Variants in MYH10 observed in about 807,000 individuals in gnomAD.
MYH10 encodes the protein myosin heavy chain 10.
A neutral mutation model predicts 257.8 loss-of-function variants in MYH10; 55 were observed. The ratio of observed to expected loss-of-function variants is 0.21; its 90% CI spans 0.17 to 0.27. MYH10 has a LOEUF of 0.27. Among genes scored for constraint, MYH10 ranks in the 10% least tolerant of loss-of-function variants. The pLI, the probability that MYH10 is intolerant of heterozygous loss-of-function variation, is 1.00. For missense variants in MYH10, 1,631 were observed against 2,500.6 expected (o/e 0.65, Z 7.42); for synonymous variants, 854 against 921.7 (o/e 0.93, Z 1.33).
chr17:8,553,845 CAA>C lies in MYH10; in HGVS notation c.820+108_820+109del, dbSNP rs544713123. 2.7e-3 allele frequency: 2,240 copies of C among 841,558 alleles called. 5 individuals are homozygous for C. Among genetic ancestry groups the C allele is most frequent in the Non-Finnish European group, 3.9e-3 (2,010 of 512,266 alleles). The allele number at this position is 841,558 out of a possible 1,614,324, so 52.1% of individuals were successfully genotyped here. A position where few individuals can be genotyped will look rare whatever the true frequency, so the allele number is the denominator to read the frequency against. ...GAACAAGGCATGCTATCTCTGGGCTCAAGTTTTATCATCTGGATTTTGGGAGT... is the reference window on the plus strand; with the variant it reads ...GAACAAGGCATGCTATCTCTGGGCTCGTTTTATCATCTGGATTTTGGGAGT... On this transcript the variant is annotated intron_variant, in intron 8 of 42. Transcript: ENST00000360416.
At position 8,512,416 on chromosome 17, in the gene MYH10, A is replaced by C. The variant is rs763051317; in HGVS notation, c.2952+35T>G. On this transcript the variant is annotated intron_variant, in intron 24 of 42. Coordinates refer to ENST00000360416, the MANE Select transcript of MYH10 (RefSeq NM_001256012.3). ...ATTCAACAGATCCACTTGAAAATCC[A>C]AAATATGCTTCTAAGTAAAAATTAT... The C allele has an allele frequency of 9.6e-6, 15 of 1,554,626 alleles. No individual in the cohort carries two copies. The South Asian group carries it at 1.8e-4, about 18-fold the overall frequency.
chr17:8,570,109 T>C (rs1352292364), intron 6 of MYH10, among the ~76,000 whole-genome samples: 3 of 152,270 alleles, frequency 2.0e-5, no homozygotes, highest in South Asian at 4.1e-4. Context: ...ATTTTGAAAA[T>C]AAAACAGACT....
rs554698220 is a variant in MYH10 at position 8,563,406 on chromosome 17, A to T, written c.756+6314T>A. Among the ~76,000 whole-genome samples, 26 of 152,352 alleles carry T rather than the reference A, an allele frequency of 1.7e-4. No homozygotes were observed. The South Asian group carries it at 5.4e-3, about 32-fold the overall frequency. On this transcript the variant is annotated intron_variant, in intron 7 of 42. Coordinates refer to ENST00000360416, the MANE Select transcript of MYH10 (RefSeq NM_001256012.3). The stretch of plus-strand genomic sequence containing the variant: ...ATATTAACTTCAAATAGAGCCTTAA[A>T]AAAAGATAAATACATAAATAAAAAC...
At chr17:8,578,623 T>C (rs1399344523) in intron 4 of MYH10, among the ~76,000 whole-genome samples, 2 of 152,180 alleles carry the variant, frequency 1.3e-5, no homozygotes, top group African/African-American at 4.8e-5. Context: ...TGCCACCATT[T>C]TAAATGATTC....
chr17:8,600,545 G>A (rs574506825), intron 3 of MYH10, among the ~76,000 whole-genome samples: 2 of 152,280 alleles, frequency 1.3e-5, no homozygotes, highest in African/African-American at 2.4e-5. Flanking sequence ...AGTGAGAGAC[G>A]GAGGAATTCA....
At chr17:8,539,411 G>A (rs1184813517) in intron 14 of MYH10, among the ~76,000 whole-genome samples, 3 of 151,970 alleles carry the variant, frequency 2.0e-5, no homozygotes, top group Non-Finnish European at 2.9e-5. Flanking sequence ...GCCTTTTTCC[G>A]AATTCACAGA....
intron 1 of MYH10, among the ~76,000 whole-genome samples, chr17:8,624,249 C>A (rs1279903374): frequency 6.6e-6 from 1 of 152,184 alleles, no homozygotes; most frequent in African/African-American, 2.4e-5. Flanking sequence ...CACTTTGTGG[C>A]TAAGCTATGT....
intron 7 of MYH10, chr17:8,554,262 T>C (rs2082721681): frequency 7.9e-6 from 2 of 254,612 alleles, no homozygotes; most frequent in Non-Finnish European, 1.5e-5. Flanking sequence ...TAAAAGAAAG[T>C]AGTGAGATCC....
intron 16 of MYH10, among the ~76,000 whole-genome samples, chr17:8,531,890 C>A (rs978724232): frequency 9.9e-5 from 15 of 152,182 alleles, no homozygotes; most frequent in African/African-American, 3.6e-4. Flanking sequence ...CCTTATCCTG[C>A]GATCTCTCTA....
At chr17:8,608,786 T>A (rs1392876849) in intron 2 of MYH10, among the ~76,000 whole-genome samples, 1 of 152,134 alleles carries the variant, frequency 6.6e-6, no homozygotes, top group African/African-American at 2.4e-5. Context: ...GGAATGCCCA[T>A]CTTCCTCTGT....
At chr17:8,602,507 A>T (rs1373519632) in intron 3 of MYH10, among the ~76,000 whole-genome samples, 1 of 152,220 alleles carries the variant, frequency 6.6e-6, no homozygotes, top group East Asian at 1.9e-4. Context: ...TGCATATGCT[A>T]ATGTCTGACT....
At position 8,490,148 on chromosome 17, in the gene MYH10, A is replaced by T. The variant is rs1406166950; in HGVS notation, c.4884+192T>A. The T allele has an allele frequency of 3.6e-6, 2 of 554,972 alleles. No homozygotes were observed. The highest frequency in any genetic ancestry group is 6.4e-6 in the Non-Finnish European group (2 of 314,838). 34.4% of individuals were successfully genotyped at this position (554,972 alleles called of 1,614,324 possible). On this transcript the variant is annotated intron_variant, in intron 35 of 42. Transcript: ENST00000360416. This position sits in a 1 kb window ranked among gnomAD's most constrained non-coding sequence, Gnocchi z 4.1. ...GTAGGCAGGAATGATACTGAGAAATAGTAAGACCTAAACTAATTACAATAA... is the reference window on the plus strand; with the variant it reads ...GTAGGCAGGAATGATACTGAGAAATTGTAAGACCTAAACTAATTACAATAA...
Position 8,517,330 on chromosome 17 carries a change from A to G in MYH10, c.2504+1301T>C, listed in dbSNP as rs1042028654. On this transcript the variant is annotated intron_variant, in intron 21 of 42. Transcript: ENST00000360416. ...TCCGTTTAAAGCCCTCTTGACCACT[A>G]TCTGGGCAAGCAGACTGCCCAGGAA... Among the ~76,000 whole-genome samples, 6 of 152,156 alleles carry G rather than the reference A, an allele frequency of 3.9e-5. No individual in the cohort carries two copies. In the East Asian group the frequency reaches 9.6e-4, roughly 24 times the overall value.
intron 7 of MYH10, among the ~76,000 whole-genome samples, chr17:8,562,593 T>A (rs1369519724): frequency 6.6e-6 from 1 of 152,184 alleles, no homozygotes; most frequent in Non-Finnish European, 1.5e-5. Flanking sequence ...ACTTAGAATA[T>A]TCAATCGGAA....
At chr17:8,513,402 A>T (rs1047363439) in intron 23 of MYH10, 136 bp downstream of exon 23, 12 of 1,327,074 alleles carry the variant, frequency 9.0e-6, no homozygotes, top group Non-Finnish European at 1.2e-5. Context: ...TTTGGAAATG[A>T]GTGAAAAGGC....
At position 8,569,515 on chromosome 17, in the gene MYH10, GAA is replaced by G. The variant is rs1229792223; in HGVS notation, c.756+203_756+204del. Among the ~76,000 whole-genome samples, 3 of 152,138 alleles carry G rather than the reference GAA, an allele frequency of 2.0e-5. No individual in the cohort carries two copies. The highest frequency in any genetic ancestry group is 7.2e-5 in the African/African-American group (3 of 41,428). ...ATACATTTCTGTATGATAAAATGAT[GAA>G]AGTTACTTACACATTACCTTTTTTC... On this transcript the variant is annotated intron_variant, in intron 7 of 42. Coordinates refer to ENST00000360416, the MANE Select transcript of MYH10 (RefSeq NM_001256012.3). This position sits in a 1 kb window ranked among gnomAD's most constrained non-coding sequence, Gnocchi z 4.1.
At chr17:8,570,252 T>G (rs1046463030) in intron 6 of MYH10, among the ~76,000 whole-genome samples, 1 of 152,214 alleles carries the variant, frequency 6.6e-6, no homozygotes, top group Non-Finnish European at 1.5e-5. Context: ...ATGTAGCACT[T>G]TCCAGTTTTC....
rs1342899805 is a variant in MYH10, at chr17:8,552,035, T to C, written c.919+11A>G. The stretch of plus-strand genomic sequence containing the variant: ...AGTGAATATAAAATAGTAAAAACCT[T>C]TGTAACTTACACTTTAGGTGTTCTC... On this transcript the variant is annotated intron_variant, in intron 9 of 42. Transcript: ENST00000360416. The surrounding 1 kb of genome is among the most constrained non-coding windows in gnomAD (Gnocchi z 4.8). The C allele has an allele frequency of 8.5e-6, 12 of 1,410,728 alleles. No individual in the cohort carries two copies. The highest frequency in any genetic ancestry group is 1.4e-5 in the African/African-American group (1 of 69,220). The allele number at this position is 1,410,728 out of a possible 1,614,324, so 87.4% of individuals were successfully genotyped here.
intron 1 of MYH10, among the ~76,000 whole-genome samples, chr17:8,628,787 A>C (rs1414396341): frequency 1.3e-5 from 2 of 152,298 alleles, no homozygotes; most frequent in East Asian, 3.9e-4. Flanking sequence ...AAGTGCATAA[A>C]CCGCTGAAGC....
Sources: gnomAD v4.1 joint callset for allele counts (sites outside exome capture counted in the v4.1 genomes callset) on GRCh38, gnomAD v4.1.1 for gene constraint, Gnocchi (gnomAD v3.1) non-coding constraint, MANE v1.5 for transcripts, NCBI Gene and HGNC (gene_info 2026-07-23, HGNC 2026-07-21) for gene names.